TMEM196: variants seen among roughly 807,000 people sequenced by gnomAD.
TMEM196 encodes the protein transmembrane protein 196.
Under a neutral mutation model 20.0 loss-of-function variants are expected in TMEM196, and 17 were observed. The observed-to-expected ratio is 0.85, with a 90% CI of 0.58 to 1.27. The LOEUF (loss-of-function observed/expected upper bound fraction) is 1.27, where lower values mean the gene tolerates loss of function less well. TMEM196 is among the 50% of genes most tolerant of loss of function. The pLI, the probability that TMEM196 is intolerant of heterozygous loss-of-function variation, is 0.00. For missense variants in TMEM196, 267 were observed against 223.0 expected, an observed-to-expected ratio of 1.20 and a Z score of -1.26; for synonymous variants, 113 against 88.9, an observed-to-expected ratio of 1.27 and a Z score of -1.52.
chr7:19,747,720 A>G (rs1562619118), intron 1 of TMEM196, among the ~76,000 whole-genome samples: 1 of 152,186 alleles, frequency 6.6e-6, no homozygotes, highest in African/African-American at 2.4e-5. Flanking sequence ...ATTTTCCTCT[A>G]TTAGAACTAA....
intron 1 of TMEM196, among the ~76,000 whole-genome samples, chr7:19,766,380 G>A (rs13230910): frequency 0.26 from 38,699 of 151,682 alleles, 6,511 homozygotes; most frequent in East Asian, 0.6. Context: ...TCGCATGTTG[G>A]AACATCTATC....
chr7:19,751,124 A>G (rs979873928), intron 1 of TMEM196, among the ~76,000 whole-genome samples: 2 of 152,234 alleles, frequency 1.3e-5, no homozygotes, highest in African/African-American at 4.8e-5. Flanking sequence ...CCATGTGAAG[A>G]AGAAATATAA....
chr7:19,741,338 T>C (rs1488154876), intron 1 of TMEM196, among the ~76,000 whole-genome samples: 1 of 152,168 alleles, frequency 6.6e-6, no homozygotes, highest in Non-Finnish European at 1.5e-5. Flanking sequence ...CTAGATGACA[T>C]AATGGAACTT....
intron 4 of TMEM196, among the ~76,000 whole-genome samples, chr7:19,723,888 G>A (rs537437033): frequency 1.3e-5 from 2 of 152,124 alleles, no homozygotes; most frequent in African/African-American, 2.4e-5. Flanking sequence ...ATCTTCTCAC[G>A]CAATTTTAGC....
intron 1 of TMEM196, among the ~76,000 whole-genome samples, chr7:19,748,263 CAAAAAA>C (rs57276805): frequency 1.9e-4 from 4 of 20,780 alleles, no homozygotes; most frequent in East Asian, 1.1e-3. Context: ...TGTGGCTGTC[CAAAAAA>C]AAAAAAAAAA....
In TMEM196 at chr7:19,747,280, T is replaced by TTAAA. The variant is rs1554299371; in HGVS notation, c.148-17843_148-17842insTTTA. On this transcript the variant is annotated intron_variant, in intron 1 of 4. Transcript: ENST00000405844. ...AAAAAAATAAATAAATAAAATAAAA[T>TTAAA]AAAAATAAAAAATAAAAATAAAAAA... Among the ~76,000 whole-genome samples the TTAAA allele has an allele frequency of 7.6e-5, 11 of 145,276 alleles. No individual in the cohort carries two copies. In the South Asian group the frequency reaches 2.0e-3, roughly 26 times the overall value.
intron 2 of TMEM196, among the ~76,000 whole-genome samples, 152 bp downstream of exon 2, chr7:19,729,230 A>C (rs1234531397): frequency 6.7e-6 from 1 of 148,844 alleles, no homozygotes; most frequent in Admixed American, 6.8e-5. Context: ...TTCTTTGAAA[A>C]CAGAAAAGGC....
At chr7:19,756,156 C>A (rs528390622) in intron 1 of TMEM196, among the ~76,000 whole-genome samples, 1 of 151,668 alleles carries the variant, frequency 6.6e-6, no homozygotes, top group East Asian at 1.9e-4. Flanking sequence ...ATGCAAACCA[C>A]ATATATCACT....
chr7:19,759,228 C>T (rs1428762125), intron 1 of TMEM196, among the ~76,000 whole-genome samples: 1 of 152,174 alleles, frequency 6.6e-6, no homozygotes, highest in Non-Finnish European at 1.5e-5. Flanking sequence ...TACCTTACTT[C>T]AGCTACTCTT....
chr7:19,772,875 G>T lies in TMEM196; in HGVS notation c.-179C>A. ...CAGAAACGAAGACCTTCCCTGGCTGGGCCAGAGGCAAAGGAGCTGCTCCAC... is the reference window on the plus strand; with the variant it reads ...CAGAAACGAAGACCTTCCCTGGCTGTGCCAGAGGCAAAGGAGCTGCTCCAC... On this transcript the variant is annotated 5_prime_UTR_variant, in exon 1 of 5. Coordinates refer to ENST00000405844, the MANE Select transcript of TMEM196 (RefSeq NM_001363562.2). The T allele has an allele frequency of 1.9e-6, 1 of 519,806 alleles. No homozygotes were observed. Among genetic ancestry groups the T allele is most frequent in the Non-Finnish European group, 3.0e-6 (1 of 328,812 alleles). 32.2% of individuals were successfully genotyped at this position (519,806 alleles called of 1,614,324 possible).
At chr7:19,731,707 A>G (rs1429304391) in intron 1 of TMEM196, among the ~76,000 whole-genome samples, 3 of 152,094 alleles carry the variant, frequency 2.0e-5, no homozygotes, top group African/African-American at 7.2e-5. Context: ...TCTCCATCCA[A>G]CCATTTGGTT....
chr7:19,770,631 A>G lies in TMEM196; in HGVS notation c.147+1919T>C, dbSNP rs1185522544. 2.0e-5 allele frequency among the ~76,000 whole-genome samples: 3 copies of G among 152,170 alleles called. No individual in the cohort carries two copies. The East Asian group carries it at 5.8e-4, about 29-fold the overall frequency. On this transcript the variant is annotated intron_variant, in intron 1 of 4. Transcript: ENST00000405844. Reference sequence around the variant, plus strand: ...ATTGAATCAGACAATAGAATTCAAAACTATTGTTCTAGAAACCCAAATGAA... The same window carrying G: ...ATTGAATCAGACAATAGAATTCAAAGCTATTGTTCTAGAAACCCAAATGAA...
chr7:19,761,306 T>C (rs1241849999), intron 1 of TMEM196, among the ~76,000 whole-genome samples: 4 of 152,212 alleles, frequency 2.6e-5, no homozygotes, highest in African/African-American at 9.6e-5. Flanking sequence ...TTCCTTAAGC[T>C]CAAACTAATT....
At chr7:19,742,411 C>T (rs1400870385) in intron 1 of TMEM196, among the ~76,000 whole-genome samples, 1 of 152,038 alleles carries the variant, frequency 6.6e-6, no homozygotes, top group Non-Finnish European at 1.5e-5. Context: ...GTATGGTGCC[C>T]TTAGAGGAAC....
chr7:19,767,517 A>G (rs899611892), intron 1 of TMEM196, among the ~76,000 whole-genome samples: 1 of 151,956 alleles, frequency 6.6e-6, no homozygotes, highest in Non-Finnish European at 1.5e-5. Flanking sequence ...GAACAAAACT[A>G]TTTTTTCTAC....
intron 1 of TMEM196, among the ~76,000 whole-genome samples, chr7:19,757,820 C>A (rs1785277791): frequency 6.6e-6 from 1 of 151,504 alleles, no homozygotes; most frequent in African/African-American, 2.4e-5. Context: ...AGAAAACAGC[C>A]CACTCCATCA....
chr7:19,726,641 G>T (rs947572954), intron 2 of TMEM196, among the ~76,000 whole-genome samples: 2 of 152,010 alleles, frequency 1.3e-5, no homozygotes, highest in East Asian at 3.9e-4. Flanking sequence ...AGCTAGGGGG[G>T]TTTAATCAAC....
chr7:19,726,859 CG>C (rs1164174309), intron 2 of TMEM196, among the ~76,000 whole-genome samples: 3 of 152,052 alleles, frequency 2.0e-5, no homozygotes, highest in African/African-American at 7.2e-5. Context: ...CCATTCTTCT[CG>C]GGAACACAGA....
chr7:19,729,454 A>G lies in TMEM196; in HGVS notation c.148-16T>C. On this transcript the variant is annotated splice_polypyrimidine_tract_variant and intron_variant, in intron 1 of 4. Coordinates refer to ENST00000405844, the MANE Select transcript of TMEM196 (RefSeq NM_001363562.2). Reference sequence around the variant, plus strand: ...AAAGAAGAAACTGAAAAGGAAAAGAAGAACAATTACTCCTTATCCAAAGAC... The same window carrying G: ...AAAGAAGAAACTGAAAAGGAAAAGAGGAACAATTACTCCTTATCCAAAGAC... The G allele has an allele frequency of 6.5e-7, 1 of 1,549,870 alleles. No individual in the cohort carries two copies. Among genetic ancestry groups the G allele is most frequent in the Non-Finnish European group, 8.7e-7 (1 of 1,146,630 alleles).
Sources: allele counts gnomAD v4.1 joint callset (sites outside exome capture counted in the v4.1 genomes callset), GRCh38; gene constraint gnomAD v4.1.1; transcripts MANE v1.5; gene names NCBI Gene and HGNC (gene_info 2026-07-23, HGNC 2026-07-21).